Variants in FLAD1 observed in about 807,000 individuals in gnomAD.
The protein encoded by FLAD1 is flavin adenine dinucleotide synthetase 1.
FLAD1 carries 35 observed loss-of-function variants against 55.0 expected under a neutral mutation model. That is an observed-to-expected ratio of 0.64 (90% CI 0.49 to 0.84). The LOEUF is 0.84. FLAD1 is among the 40% of genes least tolerant of loss of function. The pLI is 0.00. For missense variants in FLAD1, 665 were observed against 742.6 expected, an observed-to-expected ratio of 0.90 and a Z score of 1.21; for synonymous variants, 267 against 303.0, an observed-to-expected ratio of 0.88 and a Z score of 1.23.
intron 5 of FLAD1, 36 bp downstream of exon 5, chr1:154,990,564 C>T (rs778186126): frequency 8.4e-6 from 13 of 1,540,602 alleles, no homozygotes; most frequent in African/African-American, 6.8e-5. Context: ...TTCAGTCTCA[C>T]GTGCCCCAGC....
At position 154,983,668 on chromosome 1, in the gene FLAD1, A is replaced by C; in HGVS notation, c.-27A>C. Reference sequence around the variant, plus strand: ...CAAGAGAGAAGAAGTTTTTAAGACTAGAGCTAAGCAAGACATTTAAAAGGA... The same window carrying C: ...CAAGAGAGAAGAAGTTTTTAAGACTCGAGCTAAGCAAGACATTTAAAAGGA... On this transcript the variant is annotated 5_prime_UTR_variant, in exon 1 of 7. Coordinates refer to ENST00000292180, the MANE Select transcript of FLAD1 (RefSeq NM_025207.5). The C allele has an allele frequency of 1.3e-6, 2 of 1,581,144 alleles. No individual in the cohort carries two copies. Among genetic ancestry groups the C allele is most frequent in the Non-Finnish European group, 1.7e-6 (2 of 1,161,766 alleles).
Position 154,988,700 on chromosome 1 carries a change from T to C in FLAD1, c.968T>C (p.Val323Ala), listed in dbSNP as rs1657732292. The change falls in exon 2 of 7, where the codon GTG becomes GCG. Residue 323 changes from valine to alanine, a missense_variant. Transcript: ENST00000292180. ...YPDWGSNYYQVKLTLDSEEEG... is the reference protein window; with the variant it reads ...YPDWGSNYYQAKLTLDSEEEG... ...GACTGGGGCAGCAACTACTATCAGGTGAAGCTGACTCTAGACTCAGAGGAA... is the reference window on the plus strand; with the variant it reads ...GACTGGGGCAGCAACTACTATCAGGCGAAGCTGACTCTAGACTCAGAGGAA... 6.2e-7 allele frequency: 1 copy of C among 1,614,164 alleles called. No homozygotes were observed. The highest frequency in any genetic ancestry group is 1.3e-5 in the African/African-American group (1 of 75,046).
Position 154,992,740 on chromosome 1 carries a change from T to C in FLAD1, c.1582T>C (p.Phe528Leu). The C allele has an allele frequency of 6.2e-7, 1 of 1,614,140 alleles. No individual in the cohort carries two copies. Among genetic ancestry groups the C allele is most frequent in the Non-Finnish European group, 8.5e-7 (1 of 1,180,034 alleles). The change falls in exon 6 of 7, where the codon TTT (phenylalanine) becomes CTT (leucine). Residue 528 changes from phenylalanine to leucine, a missense_variant. Physicochemically the swap from Phe to Leu is conservative, Grantham distance 22. Coordinates refer to ENST00000292180, the MANE Select transcript of FLAD1 (RefSeq NM_025207.5). ...CTGGACCTACAGAGACATCTGGGATTTTCTGCGTCAGCTGTTTGTCCCATA... is the reference window on the plus strand; with the variant it reads ...CTGGACCTACAGAGACATCTGGGATCTTCTGCGTCAGCTGTTTGTCCCATA... ...LDWTYRDIWD[F>L]LRQLFVPYCI...
chr1:154,986,565 A>T (rs1657618314), intron 1 of FLAD1, among the ~76,000 whole-genome samples: 1 of 151,956 alleles, frequency 6.6e-6, no homozygotes. Flanking sequence ...CTTCTTTAAA[A>T]TTTTATTTTT....
In FLAD1 at chr1:154,989,636, GCT is replaced by G; in HGVS notation, c.1197_1198del (p.Val401GlyfsTer25). The G allele has an allele frequency of 6.2e-7, 1 of 1,601,410 alleles. No homozygotes were observed. Among genetic ancestry groups the G allele is most frequent in the Admixed American group, 1.7e-5 (1 of 58,696 alleles). ...CCCTGGCTCAGTACAGCCTCACCCA[GCT>G]CTGTGTGGGCTTCAACGGGGGCAAA... is the stretch of plus-strand genomic sequence containing the variant. ...TSLAQYSLTQ[L>X]CVGFNGGKDC... On this transcript the variant is annotated frameshift_variant, in exon 3 of 7. Coordinates refer to ENST00000292180, the MANE Select transcript of FLAD1 (RefSeq NM_025207.5). LOFTEE classifies it high-confidence loss of function.
At position 154,984,412 on chromosome 1, in the gene FLAD1, A is replaced by G. The variant is rs575656119; in HGVS notation, c.372+346A>G. ...GAGTAGAGGAGGTACAGGTGTGTGTATTGTATATTTAAGAGTTTTGGCCGG... is the reference window on the plus strand; with the variant it reads ...GAGTAGAGGAGGTACAGGTGTGTGTGTTGTATATTTAAGAGTTTTGGCCGG... On this transcript the variant is annotated intron_variant, in intron 1 of 6. Coordinates refer to ENST00000292180, the MANE Select transcript of FLAD1 (RefSeq NM_025207.5). Among the ~76,000 whole-genome samples the G allele has an allele frequency of 1.1e-4, 17 of 152,230 alleles. No individual in the cohort carries two copies. In the South Asian group the frequency reaches 3.5e-3, roughly 32 times the overall value.
At position 154,993,059 on chromosome 1, in the gene FLAD1, G is replaced by A. The variant is rs1351996193; in HGVS notation, c.*22G>A. The A allele has an allele frequency of 6.2e-7, 1 of 1,605,564 alleles. No homozygotes were observed. The highest frequency in any genetic ancestry group is 1.1e-5 in the South Asian group (1 of 90,942). ...ATGACCTCCCACCCTAGGAGGGAGG[G>A]AAGGACACCGTCCTAGGGTATAACC... is the stretch of plus-strand genomic sequence containing the variant. On this transcript the variant is annotated 3_prime_UTR_variant, in exon 7 of 7. Transcript: ENST00000292180.
chr1:154,989,629 T>C lies in FLAD1; in HGVS notation c.1187T>C (p.Leu396Pro). 3.1e-6 allele frequency: 5 copies of C among 1,602,868 alleles called. No homozygotes were observed. Among genetic ancestry groups the C allele is most frequent in the South Asian group, 2.2e-5 (2 of 89,706 alleles). The change falls in exon 3 of 7, where the codon CTC (leucine) becomes CCC (proline). Residue 396 changes from leucine to proline, a missense_variant. Leu to Pro is a moderately conservative substitution (Grantham distance 98). Transcript: ENST00000292180. ...TIETSLAQYS[L>P]TQLCVGFNGG... ...GAGACCTCCCTGGCTCAGTACAGCC[T>C]CACCCAGCTCTGTGTGGGCTTCAAC...
chr1:154,983,631 G>C lies in FLAD1; in HGVS notation c.-64G>C. On this transcript the variant is annotated 5_prime_UTR_variant, in exon 1 of 7. Transcript: ENST00000292180. ...GCTCAGCAAACGGAAGACACTTAAA[G>C]TGGTAGGTTCTCAAGAGAGAAGAAG... is the stretch of plus-strand genomic sequence containing the variant. 1 of 1,520,670 alleles carries C rather than the reference G, an allele frequency of 6.6e-7. No individual in the cohort carries two copies. The highest frequency in any genetic ancestry group is 1.3e-5 in the South Asian group (1 of 79,352). The allele number at this position is 1,520,670 out of a possible 1,614,324, so 94.2% of individuals were successfully genotyped here.
Position 154,988,234 on chromosome 1 carries a change from A to G in FLAD1, c.502A>G (p.Asn168Asp). Residue 168 changes from asparagine to aspartate, a missense_variant, in exon 2 of 7, where the codon AAC becomes GAC. Coordinates refer to ENST00000292180, the MANE Select transcript of FLAD1 (RefSeq NM_025207.5). ...TIAAEVTSFS[N>D]RFTHVLTAGG... ...TGCAGCTGAGGTCACTTCTTTCTCC[A>G]ACCGCTTCACCCATGTCCTCACAGC... 1.9e-6 allele frequency: 3 copies of G among 1,614,152 alleles called. No individual in the cohort carries two copies. The highest frequency in any genetic ancestry group is 2.5e-6 in the Non-Finnish European group (3 of 1,180,026).
chr1:154,990,535 G>A lies in FLAD1; in HGVS notation c.1554+7G>A. 1 of 1,588,654 alleles carries A rather than the reference G, an allele frequency of 6.3e-7. No individual in the cohort carries two copies. Among genetic ancestry groups the A allele is most frequent in the African/African-American group, 1.3e-5 (1 of 74,366 alleles). The stretch of plus-strand genomic sequence containing the variant: ...GCGCATCAACCCACTGCTGGTAATG[G>A]GGAAGAGGGTTTATCACCTTCAGTC... On this transcript the variant is annotated splice_region_variant and intron_variant, in intron 5 of 6. Coordinates refer to ENST00000292180, the MANE Select transcript of FLAD1 (RefSeq NM_025207.5).
In FLAD1 at chr1:154,993,077, G is replaced by A. The variant is rs1294428638; in HGVS notation, c.*40G>A. The A allele has an allele frequency of 4.4e-6, 7 of 1,590,260 alleles. No homozygotes were observed. Among genetic ancestry groups the A allele is most frequent in the Non-Finnish European group, 6.0e-6 (7 of 1,159,706 alleles). On this transcript the variant is annotated 3_prime_UTR_variant, in exon 7 of 7. Transcript: ENST00000292180. ...AGGGAGGGAAGGACACCGTCCTAGG[G>A]TATAACCTGGCAATAAACCGTGCCT...
At chr1:154,987,064 G>A (rs374535727) in intron 1 of FLAD1, among the ~76,000 whole-genome samples, 1 of 149,432 alleles carries the variant, frequency 6.7e-6, no homozygotes, top group Non-Finnish European at 1.5e-5. Flanking sequence ...CAGGGTCCCT[G>A]TCACCCAGGC....
chr1:154,990,513 C>T lies in FLAD1; in HGVS notation c.1539C>T (p.Arg513=). Residue 513 remains arginine (R), a synonymous_variant, in exon 5 of 7, where the codon CGC becomes CGT. Transcript: ENST00000292180. ...ACCCAGGCTGGCCCGCATTCATGCG[C>T]ATCAACCCACTGCTGGTAATGGGGA... ...PTDPGWPAFM[R]INPLLDWTYR... 2 of 1,604,922 alleles carry T rather than the reference C, an allele frequency of 1.2e-6. No homozygotes were observed. The highest frequency in any genetic ancestry group is 1.3e-5 in the African/African-American group (1 of 74,678).
intron 1 of FLAD1, among the ~76,000 whole-genome samples, chr1:154,985,701 C>T (rs913573122): frequency 6.8e-6 from 1 of 148,112 alleles, no homozygotes; most frequent in African/African-American, 2.5e-5. Flanking sequence ...GCCACCTCAC[C>T]TGGCCCTGAC....
chr1:154,988,677 CT>C lies in FLAD1; in HGVS notation c.946del (p.Trp316GlyfsTer8). The stretch of plus-strand genomic sequence containing the variant: ...GGCTTGGCCTGGGTTCCTACCCTGA[CT>C]GGGGCAGCAACTACTATCAGGTGAA... ...RRLGLGSYPDWGSNYYQVKLT... is the reference protein window; with the variant it reads ...RRLGLGSYPDXGSNYYQVKLT... On this transcript the variant is annotated frameshift_variant, in exon 2 of 7. Coordinates refer to ENST00000292180, the MANE Select transcript of FLAD1 (RefSeq NM_025207.5). LOFTEE classifies it high-confidence loss of function. 6.2e-7 allele frequency: 1 copy of C among 1,614,222 alleles called. No homozygotes were observed.
In FLAD1 at chr1:154,990,134, C is replaced by A. The variant is rs754876391; in HGVS notation, c.1266-25C>A. 1.9e-6 allele frequency: 3 copies of A among 1,576,398 alleles called. No individual in the cohort carries two copies. The South Asian group carries it at 3.3e-5, about 17-fold the overall frequency. On this transcript the variant is annotated intron_variant, in intron 3 of 6. Coordinates refer to ENST00000292180, the MANE Select transcript of FLAD1 (RefSeq NM_025207.5). The stretch of plus-strand genomic sequence containing the variant: ...CCATTTCCTTGTCCATGCTCACAAG[C>A]CTGTGGATTCTTCCCCCTCTGCAGG...
rs1332190647 is a variant in FLAD1 at position 154,983,634 on chromosome 1, G to A, written c.-61G>A. ...CAGCAAACGGAAGACACTTAAAGTG[G>A]TAGGTTCTCAAGAGAGAAGAAGTTT... is the stretch of plus-strand genomic sequence containing the variant. On this transcript the variant is annotated 5_prime_UTR_variant, in exon 1 of 7. The change creates a premature stop within an existing upstream ORF in the 5' untranslated region. Transcript: ENST00000292180. 2.6e-6 allele frequency: 4 copies of A among 1,525,760 alleles called. No homozygotes were observed. In the African/African-American group the frequency reaches 4.1e-5, roughly 16 times the overall value. The allele number at this position is 1,525,760 out of a possible 1,614,324, so 94.5% of individuals were successfully genotyped here.
chr1:154,987,239 G>A (rs12139269), intron 1 of FLAD1, among the ~76,000 whole-genome samples: 7 of 151,600 alleles, frequency 4.6e-5, no homozygotes, highest in Non-Finnish European at 8.8e-5. Flanking sequence ...ATACTGTGCC[G>A]GTTGGTCTCG....
Sources: gnomAD v4.1 joint callset for allele counts (sites outside exome capture counted in the v4.1 genomes callset) on GRCh38, gnomAD v4.1.1 for gene constraint, MANE v1.5 for transcripts, NCBI Gene and HGNC (gene_info 2026-07-23, HGNC 2026-07-21) for gene names.